The following ADAMTS8 variants were observed in gnomAD, a reference collection of about 807,000 sequenced individuals.
The protein encoded by ADAMTS8 is A disintegrin and metalloproteinase with thrombospondin motifs 8.
ADAMTS8 carries 50 observed loss-of-function variants against 64.4 expected under a neutral mutation model. The ratio of observed to expected loss-of-function variants is 0.78; its 90% CI spans 0.62 to 0.98. The LOEUF (loss-of-function observed/expected upper bound fraction) is 0.98. Among genes scored for constraint, ADAMTS8 ranks in the 50% least tolerant of loss-of-function variants. The pLI is 0.00. For synonymous variants in ADAMTS8, 556 were observed against 533.6 expected (o/e 1.04, Z -0.58); for missense variants, 1,192 against 1,208.2 (o/e 0.99, Z 0.20).
chr11:130,425,843 T>C (rs916837973), intron 1 of ADAMTS8, among the ~76,000 whole-genome samples: 114 of 152,110 alleles, frequency 7.5e-4, no homozygotes, highest in Non-Finnish European at 7.5e-4. Flanking sequence ...GCTTGCGATC[T>C]GCCCACCTCG....
At position 130,405,360 on chromosome 11, in the gene ADAMTS8, T is replaced by C; in HGVS notation, c.*198A>G. 2 of 1,394,930 alleles carry C rather than the reference T, an allele frequency of 1.4e-6. No homozygotes were observed. Among genetic ancestry groups the C allele is most frequent in the Non-Finnish European group, 1.9e-6 (2 of 1,079,238 alleles). 86.4% of individuals were successfully genotyped at this position (1,394,930 alleles called of 1,614,324 possible). A position where few individuals can be genotyped will look rare whatever the true frequency, so the allele number is the denominator to read the frequency against. On this transcript the variant is annotated 3_prime_UTR_variant, in exon 9 of 9. Transcript: ENST00000257359. ...GTCCAGTCCACTGGACAGTTGATGA[T>C]AGGGTCTGCCGCCCCATACCCTCTC...
In ADAMTS8 at chr11:130,421,023, C is replaced by T. The variant is rs114660528; in HGVS notation, c.721-1731G>A. Among the ~76,000 whole-genome samples the T allele has an allele frequency of 3.0e-3, 453 of 152,246 alleles. 1 individual carries two copies. The highest frequency in any genetic ancestry group is 0.01 in the African/African-American group (416 of 41,552). On this transcript the variant is annotated intron_variant, in intron 1 of 8. Transcript: ENST00000257359. ...AATTTCTTCTGAGGCAAACTGCAAC[C>T]GTCATCACAAGATTTCTTCCCGCTG...
chr11:130,417,102 G>C (rs1212182254), intron 2 of ADAMTS8, 27 bp from the exon 3 acceptor site: 1 of 1,612,762 alleles, frequency 6.2e-7, no homozygotes, highest in Non-Finnish European at 8.5e-7. Context: ...GAGCAAGAGA[G>C]TGCATCAGTG....
At chr11:130,417,146 G>A (rs917341630) in intron 2 of ADAMTS8, 71 bp from the exon 3 acceptor site, 20 of 1,591,606 alleles carry the variant, frequency 1.3e-5, no homozygotes, top group African/African-American at 6.7e-5. Flanking sequence ...CTGCAGGGCC[G>A]GGTGTGGCCA....
chr11:130,409,789 T>C (rs1861930628), intron 6 of ADAMTS8, among the ~76,000 whole-genome samples: 1 of 152,140 alleles, frequency 6.6e-6, no homozygotes, highest in Non-Finnish European at 1.5e-5. Context: ...AATCCTAAAA[T>C]TAAAGCTGTT....
At chr11:130,417,509 G>A (rs922326248) in intron 2 of ADAMTS8, among the ~76,000 whole-genome samples, 10 of 142,182 alleles carry the variant, frequency 7.0e-5, no homozygotes, top group Admixed American at 5.4e-4. Flanking sequence ...CGGCTCCTTC[G>A]GCCTCCCAAA....
In ADAMTS8 at chr11:130,405,149, C is replaced by A; in HGVS notation, c.*409G>T. Reference sequence around the variant, plus strand: ...GACATTCACCATTGACTCCCTGCCCCACGCCTCTCTTGTACTAATTTTTTC... The same window carrying A: ...GACATTCACCATTGACTCCCTGCCCAACGCCTCTCTTGTACTAATTTTTTC... On this transcript the variant is annotated 3_prime_UTR_variant, in exon 9 of 9. Coordinates refer to ENST00000257359, the MANE Select transcript of ADAMTS8 (RefSeq NM_007037.6). The A allele has an allele frequency of 4.0e-6, 4 of 999,244 alleles. No individual in the cohort carries two copies. Among genetic ancestry groups the A allele is most frequent in the Non-Finnish European group, 4.8e-6 (4 of 838,842 alleles). 61.9% of individuals were successfully genotyped at this position (999,244 alleles called of 1,614,324 possible).
At chr11:130,407,634 G>A (rs1374455792) in intron 8 of ADAMTS8, among the ~76,000 whole-genome samples, 1 of 152,180 alleles carries the variant, frequency 6.6e-6, no homozygotes, top group African/African-American at 2.4e-5. Flanking sequence ...ACACATTGAT[G>A]TACTGGAGGC....
At chr11:130,418,835 C>A (rs1441661780) in intron 2 of ADAMTS8, among the ~76,000 whole-genome samples, 1 of 152,236 alleles carries the variant, frequency 6.6e-6, no homozygotes, top group Non-Finnish European at 1.5e-5. Context: ...TGGTCACAAA[C>A]TTTTGGAAGA....
At chr11:130,415,778 C>T (rs576090154) in intron 4 of ADAMTS8, among the ~76,000 whole-genome samples, 112 of 152,056 alleles carry the variant, frequency 7.4e-4, no homozygotes, top group African/African-American at 2.6e-3. Context: ...TGGCTCCAGT[C>T]CTTTGAACCA....
At chr11:130,413,467 C>T (rs561084882) in intron 5 of ADAMTS8, among the ~76,000 whole-genome samples, 8 of 152,268 alleles carry the variant, frequency 5.3e-5, no homozygotes, top group Non-Finnish European at 1.0e-4. Context: ...CTTGGGCCAC[C>T]CTGGCGATTC....
chr11:130,409,034 T>A (rs1861921424), intron 6 of ADAMTS8, 94 bp from the exon 7 acceptor site: 1 of 1,440,344 alleles, frequency 6.9e-7, no homozygotes, highest in South Asian at 1.4e-5. Context: ...TTTTCTTCTT[T>A]CTTTTGGTTT....
chr11:130,423,808 A>G (rs937382919), intron 1 of ADAMTS8, among the ~76,000 whole-genome samples: 6 of 152,190 alleles, frequency 3.9e-5, no homozygotes, highest in Admixed American at 1.3e-4. Context: ...GGGTTCACAC[A>G]GGGGACACTG....
intron 1 of ADAMTS8, among the ~76,000 whole-genome samples, chr11:130,425,833 G>C (rs927714469): frequency 7.4e-4 from 113 of 151,940 alleles, no homozygotes; most frequent in Non-Finnish European, 7.8e-4. Flanking sequence ...GATCTCCTGA[G>C]CTTGCGATCT....
chr11:130,413,405 T>G lies in ADAMTS8; in HGVS notation c.1566+1126A>C, dbSNP rs145467015. On this transcript the variant is annotated intron_variant, in intron 5 of 8. Coordinates refer to ENST00000257359, the MANE Select transcript of ADAMTS8 (RefSeq NM_007037.6). ...TTAGGACAAGAGTACAGAGCTTACC[T>G]GGTGCAGGCGGGCTCCCAAGGCTCA... Among the ~76,000 whole-genome samples, 1,102 of 152,264 alleles carry G rather than the reference T, an allele frequency of 7.2e-3. 14 individuals are homozygous for G. Among genetic ancestry groups the G allele is most frequent in the African/African-American group, 0.025 (1,025 of 41,550 alleles).
intron 1 of ADAMTS8, among the ~76,000 whole-genome samples, chr11:130,423,620 A>C (rs1164770863): frequency 6.6e-6 from 1 of 152,222 alleles, no homozygotes; most frequent in Admixed American, 6.5e-5. Context: ...CAGTCCCCAG[A>C]ATCTGACCTC....
intron 2 of ADAMTS8, among the ~76,000 whole-genome samples, chr11:130,417,977 A>G (rs1454551095): frequency 6.7e-6 from 1 of 150,098 alleles, no homozygotes; most frequent in African/African-American, 2.5e-5. Context: ...AAGGCTGGGC[A>G]ATATAGTGAA....
chr11:130,413,508 A>G (rs1230764358), intron 5 of ADAMTS8, among the ~76,000 whole-genome samples: 1 of 152,220 alleles, frequency 6.6e-6, no homozygotes, highest in Non-Finnish European at 1.5e-5. Flanking sequence ...TGTGAAACCC[A>G]GTGGATGCTG....
chr11:130,416,908 G>T lies in ADAMTS8; in HGVS notation c.1096+32C>A. ...CTGGAAGAGCAGTTCCCTCCGATGT[G>T]GTGAAGTGGGCTTTGGCACAGCAAA... On this transcript the variant is annotated intron_variant, in intron 3 of 8. Transcript: ENST00000257359. This position sits in a 1 kb window ranked among gnomAD's most constrained non-coding sequence, Gnocchi z 4.8. The T allele has an allele frequency of 6.2e-7, 1 of 1,613,892 alleles. No homozygotes were observed. The highest frequency in any genetic ancestry group is 8.5e-7 in the Non-Finnish European group (1 of 1,179,876).
Sources: allele counts gnomAD v4.1 joint callset (sites outside exome capture counted in the v4.1 genomes callset), GRCh38; gene constraint gnomAD v4.1.1; non-coding constraint Gnocchi (gnomAD v3.1); transcripts MANE v1.5; gene names NCBI Gene and HGNC (gene_info 2026-07-23, HGNC 2026-07-21).